Variants in SPMIP4 observed in about 807,000 individuals in gnomAD.
SPMIP4 encodes the protein sperm microtubule inner protein 4.
chr7:25,169,856 C>G, the SPMIP4 span, among the ~76,000 whole-genome samples: 1 of 152,148 alleles, frequency 6.6e-6, no homozygotes, highest in African/African-American at 2.4e-5. Flanking sequence ...GGATTACAGG[C>G]GTGAGTCACT....
At chr7:25,177,046 G>A in the SPMIP4 span, among the ~76,000 whole-genome samples, 1 of 152,234 alleles carries the variant, frequency 6.6e-6, no homozygotes, top group African/African-American at 2.4e-5. Context: ...CATAGCTTCA[G>A]AGGGAAGAAC....
the SPMIP4 span, chr7:25,142,660 G>A: frequency 6.2e-6 from 10 of 1,612,486 alleles, no homozygotes; most frequent in South Asian, 5.5e-5. Flanking sequence ...ATGAGTGTAC[G>A]AAGTGAGCCA....
the SPMIP4 span, chr7:25,136,342 T>A: frequency 6.2e-7 from 1 of 1,614,186 alleles, no homozygotes; most frequent in South Asian, 1.1e-5. This position sits in a 1 kb window ranked among gnomAD's most constrained non-coding sequence, Gnocchi z 5.7. Context: ...TAGGGGAGAT[T>A]TAAGATTTTC....
the SPMIP4 span, among the ~76,000 whole-genome samples, chr7:25,133,014 T>C: frequency 6.6e-6 from 1 of 152,206 alleles, no homozygotes; most frequent in Non-Finnish European, 1.5e-5. Context: ...GTATGTTAAA[T>C]GTAGAGGTAG....
the SPMIP4 span, among the ~76,000 whole-genome samples, chr7:25,152,157 A>ATTTTTTTTTTTTTTTTTTT: frequency 6.6e-6 from 1 of 151,834 alleles, no homozygotes; most frequent in Non-Finnish European, 1.5e-5. Flanking sequence ...CCTCTTTCTG[A>ATTTTTTTTTTTTTTTTTTT]TCTTTTTTTC....
chr7:25,125,950 C>T, the SPMIP4 span: 3 of 985,254 alleles, frequency 3.0e-6, no homozygotes, highest in African/African-American at 1.7e-5. Flanking sequence ...GCTGCATTTG[C>T]GGCAGAGACA....
the SPMIP4 span, among the ~76,000 whole-genome samples, chr7:25,166,250 G>A: frequency 3.7e-3 from 48 of 12,876 alleles, no homozygotes; most frequent in African/African-American, 9.1e-3. Flanking sequence ...TTTTTGAGAC[G>A]GAGTTTCACT....
chr7:25,148,702 T>C, the SPMIP4 span, among the ~76,000 whole-genome samples: 2 of 152,178 alleles, frequency 1.3e-5, no homozygotes, highest in Non-Finnish European at 2.9e-5. Flanking sequence ...CTCAAGCTCC[T>C]GACCTCAACT....
At chr7:25,140,116 A>G in the SPMIP4 span, among the ~76,000 whole-genome samples, 91,418 of 152,004 alleles carry the variant, frequency 0.6, 28,598 homozygotes, top group Non-Finnish European at 0.69. Context: ...CTGACAACAT[A>G]TGTTCATATA....
chr7:25,126,749 G>T, the SPMIP4 span, among the ~76,000 whole-genome samples: 8 of 152,190 alleles, frequency 5.3e-5, no homozygotes, highest in African/African-American at 1.9e-4. Context: ...AATATTGTGT[G>T]TTTTTCTGTG....
chr7:25,162,422 T>C, the SPMIP4 span, among the ~76,000 whole-genome samples: 2 of 151,884 alleles, frequency 1.3e-5, no homozygotes, highest in Non-Finnish European at 2.9e-5. Context: ...TAAAGGATTG[T>C]TTCCAGAACA....
At chr7:25,172,340 A>C in the SPMIP4 span, among the ~76,000 whole-genome samples, 1 of 152,040 alleles carries the variant, frequency 6.6e-6, no homozygotes, top group Non-Finnish European at 1.5e-5. The surrounding 1 kb of genome is among the most constrained non-coding windows in gnomAD (Gnocchi z 4.2). Flanking sequence ...GGGAAGAGGG[A>C]GATGAGAGGA....
At chr7:25,172,840 G>A in the SPMIP4 span, among the ~76,000 whole-genome samples, 25 of 152,004 alleles carry the variant, frequency 1.6e-4, no homozygotes, top group Non-Finnish European at 3.2e-4. The surrounding 1 kb of genome is among the most constrained non-coding windows in gnomAD (Gnocchi z 4.2). Context: ...CTAGAACTTG[G>A]GGCATGTAGA....
the SPMIP4 span, among the ~76,000 whole-genome samples, chr7:25,150,010 T>C: frequency 6.6e-6 from 1 of 152,102 alleles, no homozygotes; most frequent in Non-Finnish European, 1.5e-5. Context: ...TTAGCAAGTG[T>C]TGGGCAGAGA....
At chr7:25,158,496 C>T in the SPMIP4 span, 1 of 1,599,480 alleles carries the variant, frequency 6.3e-7, no homozygotes, top group Non-Finnish European at 8.5e-7. Flanking sequence ...AAGTTATTTA[C>T]TTACCCTACT....
At chr7:25,148,989 T>C in the SPMIP4 span, among the ~76,000 whole-genome samples, 10 of 152,234 alleles carry the variant, frequency 6.6e-5, no homozygotes, top group African/African-American at 1.9e-4. Flanking sequence ...AACAGCCAGA[T>C]TGGTTACACC....
At chr7:25,155,145 A>G in the SPMIP4 span, 1 of 1,609,936 alleles carries the variant, frequency 6.2e-7, no homozygotes, top group Middle Eastern at 1.7e-4. Context: ...GCCGCGACAG[A>G]TGTGTGTGTG....
At chr7:25,165,630 G>A in the SPMIP4 span, among the ~76,000 whole-genome samples, 1 of 152,172 alleles carries the variant, frequency 6.6e-6, no homozygotes, top group Non-Finnish European at 1.5e-5. Flanking sequence ...TTACAGGCGT[G>A]AGCCGCCGCG....
chr7:25,168,467 T>G, the SPMIP4 span: 22 of 1,570,634 alleles, frequency 1.4e-5, no homozygotes, highest in Non-Finnish European at 1.8e-5. Context: ...TCCTGATACC[T>G]GTGAAAAAAG....
Sources: gnomAD v4.1 joint callset for allele counts (sites outside exome capture counted in the v4.1 genomes callset) on GRCh38, gnomAD v4.1.1 for gene constraint, Gnocchi (gnomAD v3.1) non-coding constraint, MANE v1.5 for transcripts, NCBI Gene and HGNC (gene_info 2026-07-23, HGNC 2026-07-21) for gene names.